Variants in FDXR observed in about 807,000 individuals in gnomAD.
The protein encoded by FDXR is NADPH:adrenodoxin oxidoreductase, mitochondrial.
Under a neutral mutation model 58.3 loss-of-function variants are expected in FDXR, and 38 were observed. The ratio of observed to expected loss-of-function variants is 0.65; its 90% CI spans 0.50 to 0.85. The LOEUF (loss-of-function observed/expected upper bound fraction) is 0.85, where lower values mean the gene tolerates loss of function less well. Among genes scored for constraint, FDXR ranks in the 40% least tolerant of loss-of-function variants. FDXR has a pLI of 0.00. For synonymous variants in FDXR, 275 were observed against 273.8 expected (o/e 1.00, Z -0.04); for missense variants, 624 against 671.0 (o/e 0.93, Z 0.77).
rs367813817 is a variant in FDXR at position 74,866,525 on chromosome 17, C to A, written c.314G>T (p.Cys105Phe). 6.2e-7 allele frequency: 1 copy of A among 1,613,686 alleles called. No individual in the cohort carries two copies. Among genetic ancestry groups the A allele is most frequent in the Non-Finnish European group, 8.5e-7 (1 of 1,180,038 alleles). ...TFTQTAHSGR[C>F]AFWGNVEVGR... ...CACCTCCACGTTGCCCCAGAAGGCA[C>A]AGCGGCCAGAATGGGCCGTCTGGGT... Residue 105 changes from cysteine (C) to phenylalanine (F), a missense_variant, in exon 4 of 12, where the codon TGT (cysteine) becomes TTT (phenylalanine). Coordinates refer to ENST00000293195, the MANE Select transcript of FDXR (RefSeq NM_024417.5).
intron 2 of FDXR, 96 bp from the exon 3 acceptor site, chr17:74,866,972 G>C (rs764729385): frequency 6.5e-5 from 100 of 1,546,970 alleles, no homozygotes; most frequent in Non-Finnish European, 7.8e-5. Context: ...GGAGAGTTCA[G>C]GACCCTGGGC....
In FDXR at chr17:74,866,851, T is replaced by C; in HGVS notation, c.203A>G (p.Tyr68Cys). The C allele has an allele frequency of 6.2e-7, 1 of 1,614,140 alleles. No homozygotes were observed. The highest frequency in any genetic ancestry group is 8.5e-7 in the Non-Finnish European group (1 of 1,180,026). ...LKHPQAHVDI[Y>C]EKQPVPFGLV... Reference sequence around the variant, plus strand: ...GCCAAAGGGCACAGGCTGTTTCTCGTAGATGTCCACGTGGGCCTGGGGGTG... The same window carrying C: ...GCCAAAGGGCACAGGCTGTTTCTCGCAGATGTCCACGTGGGCCTGGGGGTG... The change falls in exon 3 of 12, where the codon TAC (tyrosine) becomes TGC (cysteine). Residue 68 changes from tyrosine (Y) to cysteine (C), a missense_variant. Coordinates refer to ENST00000293195, the MANE Select transcript of FDXR (RefSeq NM_024417.5).
intron 2 of FDXR, among the ~76,000 whole-genome samples, chr17:74,869,580 C>T (rs750959506): frequency 6.6e-6 from 1 of 152,148 alleles, no homozygotes; most frequent in African/African-American, 2.4e-5. Context: ...TGCTATTGTC[C>T]CCCAACCTGA....
chr17:74,869,965 CACG>C, intron 2 of FDXR: 1 of 453,758 alleles, frequency 2.2e-6, no homozygotes, highest in Non-Finnish European at 4.4e-6. Context: ...AAGCAAGAGG[CACG>C]ACACCTGCTT....
chr17:74,869,748 T>G (rs1204345584), intron 2 of FDXR, among the ~76,000 whole-genome samples: 2 of 152,174 alleles, frequency 1.3e-5, no homozygotes, highest in Non-Finnish European at 2.9e-5. Flanking sequence ...TGTCAGGTCC[T>G]CGAGCACAGG....
intron 7 of FDXR, 102 bp from the exon 8 acceptor site, chr17:74,864,666 G>T: frequency 7.1e-7 from 1 of 1,403,192 alleles, no homozygotes; most frequent in Non-Finnish European, 9.9e-7. Flanking sequence ...ACCACCACCC[G>T]CCTCCTCCCC....
intron 2 of FDXR, chr17:74,870,140 T>C: frequency 5.9e-6 from 2 of 338,408 alleles, no homozygotes; most frequent in Non-Finnish European, 6.5e-6. Context: ...AGAACAAGGA[T>C]TGTACCTGGC....
intron 10 of FDXR, 67 bp from the exon 11 acceptor site, chr17:74,863,313 C>G: frequency 6.8e-7 from 1 of 1,477,554 alleles, no homozygotes; most frequent in Non-Finnish European, 9.2e-7. Context: ...ATCCTGTGCC[C>G]ACAATCTACA....
chr17:74,864,376 TG>T (rs1456786257), intron 8 of FDXR, 29 bp from the exon 9 acceptor site: 2 of 1,588,332 alleles, frequency 1.3e-6, no homozygotes, highest in Admixed American at 1.7e-5. Context: ...GTCTCCAGGC[TG>T]TCCCTGGGCC....
chr17:74,872,739 G>C (rs1305911361), intron 1 of FDXR, 127 bp downstream of exon 1: 2 of 1,525,934 alleles, frequency 1.3e-6, no homozygotes, highest in Middle Eastern at 1.7e-4. Flanking sequence ...CCGGGATCTC[G>C]CCAGCAGGAA....
At chr17:74,870,041 ACTGTCCCAAACGTGCTG>A (rs537135393) in intron 2 of FDXR, 8 of 432,964 alleles carry the variant, frequency 1.8e-5, no homozygotes, top group Non-Finnish European at 3.8e-5. Context: ...GCTAAGGGCC[ACTGTCCCAAACGTGCTG>A]CATGTGGTCC....
Position 74,865,733 on chromosome 17 carries a change from G to A in FDXR, c.595C>T (p.Pro199Ser). 2 of 1,611,594 alleles carry A rather than the reference G, an allele frequency of 1.2e-6. No individual in the cohort carries two copies. Among genetic ancestry groups the A allele is most frequent in the Middle Eastern group, 1.8e-4 (1 of 5,634 alleles). The part of the protein sequence containing the change: ...LDVARILLTP[P>S]EHLERTDITK... ...CTACCACTCACCTCCAGGTGCTCAGGTGGGGTCAGTAGGATGCGGGCCACG... is the reference window on the plus strand; with the variant it reads ...CTACCACTCACCTCCAGGTGCTCAGATGGGGTCAGTAGGATGCGGGCCACG... Residue 199 changes from proline (P) to serine (S), a missense_variant, in exon 6 of 12, where the codon CCT becomes TCT. By Grantham distance (74) the Pro-to-Ser change is moderately conservative (BLOSUM62 -1). Transcript: ENST00000293195.
chr17:74,866,287 C>T, intron 4 of FDXR, 43 bp from the exon 5 acceptor site: 1 of 1,589,628 alleles, frequency 6.3e-7, no homozygotes, highest in Non-Finnish European at 8.6e-7. Context: ...CCTTCAGCAC[C>T]AGCACTGATA....
chr17:74,866,806 G>A lies in FDXR; in HGVS notation c.248C>T (p.Ala83Val), dbSNP rs756882582. The change falls in exon 3 of 12, where the codon GCG becomes GTG. Residue 83 changes from alanine (A) to valine (V), a missense_variant. Ala to Val is a moderately conservative substitution (Grantham distance 64). Transcript: ENST00000293195. Reference sequence around the variant, plus strand: ...CACCTTCACCTCGGGGTGATCAGGCGCCACACCAAAGCGCACCAGGCCAAA... The same window carrying A: ...CACCTTCACCTCGGGGTGATCAGGCACCACACCAAAGCGCACCAGGCCAAA... Reference protein sequence around the residue: ...VPFGLVRFGVAPDHPEVKNVI... With the variant: ...VPFGLVRFGVVPDHPEVKNVI... The A allele has an allele frequency of 9.3e-6, 15 of 1,614,008 alleles. No homozygotes were observed. The East Asian group carries it at 1.1e-4, about 12-fold the overall frequency.
intron 2 of FDXR, chr17:74,869,907 C>T (rs1567917355): frequency 4.5e-6 from 2 of 442,466 alleles, no homozygotes; most frequent in Middle Eastern, 3.3e-4. Flanking sequence ...CCCTGCTCCA[C>T]GGTGGAAGCT....
Position 74,863,954 on chromosome 17 carries a change from G to T in FDXR, c.1116C>A (p.Pro372=), listed in dbSNP as rs117748885. The change falls in exon 10 of 12, where the codon CCC becomes CCA. Residue 372 remains proline (P), a synonymous_variant. Transcript: ENST00000293195. The part of the protein sequence containing the change: ...YKSRPVDPSV[P]FDSKLGVIPN... The stretch of plus-strand genomic sequence containing the variant: ...GGATGACCCCAAGCTTGGAGTCAAA[G>T]GGCACGCTTGGGTCGACAGGGCGGC... 1.8e-4 allele frequency: 295 copies of T among 1,614,074 alleles called. No homozygotes were observed. In the East Asian group the frequency reaches 5.8e-3, roughly 32 times the overall value.
At chr17:74,868,262 C>T (rs1210211150) in intron 2 of FDXR, 4 of 567,238 alleles carry the variant, frequency 7.1e-6, no homozygotes, top group African/African-American at 5.6e-5. Context: ...AAACAGGTAG[C>T]CTTGGATGCC....
chr17:74,864,885 C>G lies in FDXR; in HGVS notation c.656G>C (p.Arg219Pro). 6.2e-7 allele frequency: 1 copy of G among 1,614,152 alleles called. No homozygotes were observed. Among genetic ancestry groups the G allele is most frequent in the Non-Finnish European group, 8.5e-7 (1 of 1,180,016 alleles). Residue 219 changes from arginine to proline, a missense_variant, in exon 7 of 12, where the codon CGA (arginine) becomes CCA (proline). Physicochemically the swap from Arg to Pro is moderately radical, Grantham distance 103. Transcript: ENST00000293195. ...KAALGVLRQS[R>P]VKTVWLVGRR... ...GCCCACTAGCCACACTGTCTTCACT[C>G]GACTCTGCCTCAGTACACCCAGGGC...
intron 2 of FDXR, among the ~76,000 whole-genome samples, chr17:74,871,102 G>C (rs1048171350): frequency 4.1e-4 from 63 of 152,052 alleles, no homozygotes; most frequent in Non-Finnish European, 6.9e-4. Flanking sequence ...CTGGGCTTCC[G>C]GCCCAGGAAA....
Sources: allele counts gnomAD v4.1 joint callset (sites outside exome capture counted in the v4.1 genomes callset), GRCh38; gene constraint gnomAD v4.1.1; transcripts MANE v1.5; gene names NCBI Gene and HGNC (gene_info 2026-07-23, HGNC 2026-07-21).